Variants in ERFL observed in about 807,000 individuals in gnomAD.
The protein encoded by ERFL is ETS repressor factor like, also known as ETS domain-containing transcription factor ERF-like.
Under a neutral mutation model 27.9 loss-of-function variants are expected in ERFL, and 8 were observed. The ratio of observed to expected loss-of-function variants is 0.29; its 90% CI spans 0.17 to 0.52. The LOEUF is 0.52. ERFL is among the 20% of genes least tolerant of loss of function. The pLI, the probability that ERFL is intolerant of heterozygous loss-of-function variation, is 0.97. For synonymous variants in ERFL, 174 were observed against 202.8 expected (o/e 0.86, Z 1.21); for missense variants, 294 against 444.4 (o/e 0.66, Z 3.04).
chr19:41,927,115 CAG>C (rs1281667043), intron 1 of ERFL, among the ~76,000 whole-genome samples: 9 of 151,834 alleles, frequency 5.9e-5, no homozygotes, highest in Admixed American at 3.9e-4. Flanking sequence ...GATAGAGAGA[CAG>C]ATCCTGGGAG....
At chr19:41,924,569 G>T (rs782475237) in intron 1 of ERFL, among the ~76,000 whole-genome samples, 1 of 151,484 alleles carries the variant, frequency 6.6e-6, no homozygotes. Flanking sequence ...GGGAGGGTAG[G>T]TGTTATGTGG....
At chr19:41,919,350 A>T (rs1426988090) in intron 1 of ERFL, among the ~76,000 whole-genome samples, 3 of 152,196 alleles carry the variant, frequency 2.0e-5, no homozygotes, top group Non-Finnish European at 4.4e-5. Context: ...ACAGCCACAC[A>T]TAAACATGCA....
At chr19:41,923,214 G>A (rs1267508885) in intron 1 of ERFL, 3 of 456,150 alleles carry the variant, frequency 6.6e-6, no homozygotes, top group African/African-American at 6.0e-5. Flanking sequence ...GGGATGAGGT[G>A]AGCCTGGACT....
At chr19:41,920,242 C>T (rs2074833248) in intron 1 of ERFL, among the ~76,000 whole-genome samples, 1 of 130,910 alleles carries the variant, frequency 7.6e-6, no homozygotes, top group Non-Finnish European at 1.6e-5. Flanking sequence ...GTGACGTGCT[C>T]AGACGTGAGG....
Position 41,916,310 on chromosome 19 carries a change from C to A in ERFL, c.-13-3378G>T, listed in dbSNP as rs1312998947. On this transcript the variant is annotated intron_variant, in intron 1 of 5. Transcript: ENST00000597630. The surrounding 1 kb of genome is among the most constrained non-coding windows in gnomAD (Gnocchi z 5.4). The stretch of plus-strand genomic sequence containing the variant: ...GTCACACACAGCACCACGTCCCACA[C>A]AACACATCACACACACCAACAAAGC... 6.6e-6 allele frequency among the ~76,000 whole-genome samples: 1 copy of A among 151,860 alleles called. No individual in the cohort carries two copies. Among genetic ancestry groups the A allele is most frequent in the African/African-American group, 2.4e-5 (1 of 41,284 alleles).
In ERFL at chr19:41,907,946, C is replaced by T; in HGVS notation, c.*282G>A. 1 of 361,616 alleles carries T rather than the reference C, an allele frequency of 2.8e-6. No homozygotes were observed. Among genetic ancestry groups the T allele is most frequent in the Non-Finnish European group, 4.9e-6 (1 of 203,094 alleles). 22.4% of individuals were successfully genotyped at this position (361,616 alleles called of 1,614,324 possible). On this transcript the variant is annotated 3_prime_UTR_variant, in exon 6 of 6. Coordinates refer to ENST00000597630, the MANE Select transcript of ERFL (RefSeq NM_001365103.2). The stretch of plus-strand genomic sequence containing the variant: ...ATAGCACAGGGGTGGGCGGGCGGGG[C>T]AGGCTGGGCGCCATATTGCACTTTG...
chr19:41,926,026 A>AG (rs2074868824), intron 1 of ERFL, among the ~76,000 whole-genome samples: 1 of 151,870 alleles, frequency 6.6e-6, no homozygotes, highest in Admixed American at 6.6e-5. Flanking sequence ...GCTTGAGAGG[A>AG]GGAAGAGGTG....
rs1338609154 is a variant in ERFL, at chr19:41,910,262, C to T, written c.68-165G>A. Among the ~76,000 whole-genome samples the T allele has an allele frequency of 6.6e-6, 1 of 152,076 alleles. No homozygotes were observed. Among genetic ancestry groups the T allele is most frequent in the Non-Finnish European group, 1.5e-5 (1 of 67,984 alleles). ...AAACCTCCTCCCTTTGTGTCTGGTC[C>T]CCAAATTACCCAAATAAGGGCAAGA... On this transcript the variant is annotated intron_variant, in intron 2 of 5. Transcript: ENST00000597630. The surrounding 1 kb of genome is among the most constrained non-coding windows in gnomAD (Gnocchi z 4.4).
At position 41,916,152 on chromosome 19, in the gene ERFL, C is replaced by G. The variant is rs782078407; in HGVS notation, c.-13-3220G>C. The stretch of plus-strand genomic sequence containing the variant: ...TCTCTCCCTGCCAAGCACAACCACA[C>G]AGACCCACACACCAACCCAGGCACG... On this transcript the variant is annotated intron_variant, in intron 1 of 5. Transcript: ENST00000597630. The surrounding 1 kb of genome is among the most constrained non-coding windows in gnomAD (Gnocchi z 5.4). Among the ~76,000 whole-genome samples the G allele has an allele frequency of 4.8e-4, 73 of 152,022 alleles. 2 individuals carry two copies. The highest frequency in any genetic ancestry group is 3.0e-3 in the Admixed American group (46 of 15,270).
intron 1 of ERFL, among the ~76,000 whole-genome samples, chr19:41,925,690 G>A (rs548559970): frequency 3.9e-5 from 6 of 152,192 alleles, no homozygotes; most frequent in African/African-American, 4.8e-5. Flanking sequence ...TGAGTAACCC[G>A]AAATGACAAG....
chr19:41,912,643 C>T (rs1272124438), intron 2 of ERFL, among the ~76,000 whole-genome samples: 1 of 152,250 alleles, frequency 6.6e-6, no homozygotes, highest in Non-Finnish European at 1.5e-5. Flanking sequence ...CCACCTATCC[C>T]CCCAGCACGC....
In ERFL at chr19:41,917,587, C is replaced by T. The variant is rs1481437397; in HGVS notation, c.-13-4655G>A. Reference sequence around the variant, plus strand: ...GCTCTGTCTAAAGAGGAGAGAGACGCGGCCTAAGACCCTTCTGCCACCGCC... The same window carrying T: ...GCTCTGTCTAAAGAGGAGAGAGACGTGGCCTAAGACCCTTCTGCCACCGCC... On this transcript the variant is annotated intron_variant, in intron 1 of 5. Coordinates refer to ENST00000597630, the MANE Select transcript of ERFL (RefSeq NM_001365103.2). The surrounding 1 kb of genome is among the most constrained non-coding windows in gnomAD (Gnocchi z 4.8). 3.3e-5 allele frequency among the ~76,000 whole-genome samples: 5 copies of T among 151,762 alleles called. No individual in the cohort carries two copies. Among genetic ancestry groups the T allele is most frequent in the African/African-American group, 9.7e-5 (4 of 41,250 alleles).
chr19:41,922,323 G>A (rs2074847218), intron 1 of ERFL, among the ~76,000 whole-genome samples: 1 of 152,152 alleles, frequency 6.6e-6, no homozygotes, highest in South Asian at 2.1e-4. Flanking sequence ...AGATCAAAGG[G>A]ACAGAAAGCA....
intron 1 of ERFL, among the ~76,000 whole-genome samples, chr19:41,927,573 A>G (rs1182397164): frequency 6.6e-6 from 1 of 151,968 alleles, no homozygotes; most frequent in Non-Finnish European, 1.5e-5. Context: ...TTCCGCCCCA[A>G]GTGTCCAGTC....
intron 1 of ERFL, among the ~76,000 whole-genome samples, chr19:41,927,282 G>A (rs186050038): frequency 2.0e-5 from 3 of 152,174 alleles, no homozygotes; most frequent in Non-Finnish European, 4.4e-5. Flanking sequence ...CCGGCCCCAC[G>A]AAGGTCAGGG....
Position 41,909,427 on chromosome 19 carries a change from C to A in ERFL, c.347G>T (p.Arg116Met). 1 of 1,237,660 alleles carries A rather than the reference C, an allele frequency of 8.1e-7. No homozygotes were observed. Among genetic ancestry groups the A allele is most frequent in the Non-Finnish European group, 1.0e-6 (1 of 990,490 alleles). 76.7% of individuals were successfully genotyped at this position (1,237,660 alleles called of 1,614,324 possible). ...GCTGAAGTTGAACTTGTAGGTGAACCTCTTCCCTTTGGTCTTGTGGAGAAT... is the reference window on the plus strand; with the variant it reads ...GCTGAAGTTGAACTTGTAGGTGAACATCTTCCCTTTGGTCTTGTGGAGAAT... The part of the protein sequence containing the change: ...KRILHKTKGK[R>M]FTYKFNFSKV... The change falls in exon 4 of 6, where the codon AGG becomes ATG. Residue 116 changes from arginine to methionine, a missense_variant. Coordinates refer to ENST00000597630, the MANE Select transcript of ERFL (RefSeq NM_001365103.2). This position sits in a 1 kb window ranked among gnomAD's most constrained non-coding sequence, Gnocchi z 5.2.
chr19:41,910,033 C>T lies in ERFL; in HGVS notation c.132G>A (p.Leu44=). ...ESSPGSRQIQ[L]WHFILELLQK... ...GCAGCAGCTCCAGGATAAAGTGCCA[C>T]AGCTGGATCTGCCTCGAGCCAGGGG... is the stretch of plus-strand genomic sequence containing the variant. Residue 44 remains leucine, a synonymous_variant, in exon 3 of 6, where the codon CTG becomes CTA. Coordinates refer to ENST00000597630, the MANE Select transcript of ERFL (RefSeq NM_001365103.2). This position sits in a 1 kb window ranked among gnomAD's most constrained non-coding sequence, Gnocchi z 4.4. 6.2e-7 allele frequency: 1 copy of T among 1,613,668 alleles called. No individual in the cohort carries two copies. The highest frequency in any genetic ancestry group is 1.7e-4 in the Middle Eastern group (1 of 5,846).
At position 41,916,046 on chromosome 19, in the gene ERFL, G is replaced by A. The variant is rs1314601060; in HGVS notation, c.-13-3114C>T. Among the ~76,000 whole-genome samples, 4 of 131,676 alleles carry A rather than the reference G, an allele frequency of 3.0e-5. No individual in the cohort carries two copies. Among genetic ancestry groups the A allele is most frequent in the East Asian group, 2.3e-4 (1 of 4,420 alleles). 86.4% of individuals were successfully genotyped at this position (131,676 alleles called of 152,430 possible). A position where few individuals can be genotyped will look rare whatever the true frequency, so the allele number is the denominator to read the frequency against. ...CCTTCGCCCCCCATCTCTACCGCCC[G>A]CAGCCATGGCACCGAATGTGTGTGC... On this transcript the variant is annotated intron_variant, in intron 1 of 5. Coordinates refer to ENST00000597630, the MANE Select transcript of ERFL (RefSeq NM_001365103.2). The surrounding 1 kb of genome is among the most constrained non-coding windows in gnomAD (Gnocchi z 5.4).
intron 1 of ERFL, among the ~76,000 whole-genome samples, chr19:41,919,512 TACACACAC>T (rs60525805): frequency 2.0e-5 from 3 of 146,486 alleles, no homozygotes; most frequent in Non-Finnish European, 4.6e-5. Context: ...CGTGCACGCG[TACACACAC>T]ACACACACAC....
Sources: gnomAD v4.1 joint callset for allele counts (sites outside exome capture counted in the v4.1 genomes callset) on GRCh38, gnomAD v4.1.1 for gene constraint, Gnocchi (gnomAD v3.1) non-coding constraint, MANE v1.5 for transcripts, NCBI Gene and HGNC (gene_info 2026-07-23, HGNC 2026-07-21) for gene names.